The following PCDHA5 variants were observed in gnomAD, a reference collection of about 807,000 sequenced individuals.
The protein encoded by PCDHA5 is protocadherin alpha 5.
PCDHA5 carries 43 observed loss-of-function variants against 61.6 expected under a neutral mutation model. The observed-to-expected ratio is 0.70, with a 90% CI of 0.55 to 0.90. The LOEUF is 0.90. Among genes scored for constraint, PCDHA5 ranks in the 40% least tolerant of loss-of-function variants. PCDHA5 has a pLI of 0.00. For synonymous variants in PCDHA5, 627 were observed against 543.9 expected, an observed-to-expected ratio of 1.15 and a Z score of -2.13; for missense variants, 1,298 against 1,222.7, an observed-to-expected ratio of 1.06 and a Z score of -0.92.
In PCDHA5 at chr5:140,831,519, CCTTT is replaced by C. The variant is rs1771594007; in HGVS notation, c.2352+7393_2352+7396del. On this transcript the variant is annotated intron_variant, in intron 1 of 3. Coordinates refer to ENST00000529859, the MANE Select transcript of PCDHA5 (RefSeq NM_018908.3). Reference sequence around the variant, plus strand: ...CACACGAGCACCACCATGCCCCCCACCTTTTTTTTTTTTTTTTTTTTTTTTAAGA... The same window carrying C: ...CACACGAGCACCACCATGCCCCCCACTTTTTTTTTTTTTTTTTTTTTAAGA... 7.3e-5 allele frequency among the ~76,000 whole-genome samples: 9 copies of C among 122,902 alleles called. No individual in the cohort carries two copies. In the South Asian group the frequency reaches 1.4e-3, roughly 19 times the overall value. The allele number at this position is 122,902 out of a possible 152,430, so 80.6% of individuals were successfully genotyped here.
At chr5:140,831,202 A>C (rs2150192428) in intron 1 of PCDHA5, 1 of 152,360 alleles carries the variant, frequency 6.6e-6, no homozygotes, top group East Asian at 1.9e-4. Context: ...CTTGTGATCA[A>C]GTAAATTTAT....
intron 1 of PCDHA5, among the ~76,000 whole-genome samples, chr5:140,935,915 CAG>C (rs2090644404): frequency 7.6e-6 from 1 of 131,048 alleles, no homozygotes; most frequent in Non-Finnish European, 1.6e-5. Flanking sequence ...TTTTTTGAGA[CAG>C]ATTCTCATTC....
chr5:140,967,147 C>A (rs782815903), intron 1 of PCDHA5: 7 of 1,611,068 alleles, frequency 4.3e-6, no homozygotes, highest in South Asian at 2.2e-5. Flanking sequence ...TGGCGCACAA[C>A]CCCGTGGCGG....
chr5:140,984,478 A>G (rs1374350616), intron 3 of PCDHA5, among the ~76,000 whole-genome samples: 1 of 152,078 alleles, frequency 6.6e-6, no homozygotes, highest in Non-Finnish European at 1.5e-5. Flanking sequence ...TGTATAACCC[A>G]TTTTATCCAG....
intron 1 of PCDHA5, chr5:140,856,447 CG>C (rs782392908): frequency 2.5e-6 from 4 of 1,598,330 alleles, no homozygotes. Flanking sequence ...CCAGGTTCTC[CG>C]TAACAGAACA....
At chr5:140,902,669 T>C (rs767769713) in intron 1 of PCDHA5, among the ~76,000 whole-genome samples, 1 of 152,166 alleles carries the variant, frequency 6.6e-6, no homozygotes, top group Non-Finnish European at 1.5e-5. Flanking sequence ...ACCCAAGCAG[T>C]GTACACCGTA....
chr5:140,836,101 C>G lies in PCDHA5; in HGVS notation c.2352+11974C>G, dbSNP rs1554135618. On this transcript the variant is annotated intron_variant, in intron 1 of 3. Transcript: ENST00000529859. ...CTGCTGGCGCCTCGGGTGGGTGGCA[C>G]TGGTGGCGCAGTGAGAGAGCTTGTG... 8 of 1,613,594 alleles carry G rather than the reference C, an allele frequency of 5.0e-6. No individual in the cohort carries two copies. In the Admixed American group the frequency reaches 1.3e-4, roughly 27 times the overall value.
intron 1 of PCDHA5, chr5:140,929,005 A>G: frequency 6.2e-7 from 1 of 1,614,062 alleles, no homozygotes; most frequent in Non-Finnish European, 8.5e-7. Context: ...CTTCGTGTGT[A>G]CCAAGTTGCA....
At chr5:140,938,190 C>T (rs2091964057) in intron 1 of PCDHA5, among the ~76,000 whole-genome samples, 1 of 152,212 alleles carries the variant, frequency 6.6e-6, no homozygotes. Flanking sequence ...AAGCAATCCT[C>T]CCACGCCAGC....
chr5:140,826,566 G>T (rs1423403318), intron 1 of PCDHA5, among the ~76,000 whole-genome samples: 4 of 152,130 alleles, frequency 2.6e-5, no homozygotes, highest in African/African-American at 9.7e-5. Flanking sequence ...TGAAGGAGGG[G>T]TTTAATCACT....
chr5:140,849,800 G>A, intron 1 of PCDHA5: 1 of 1,598,514 alleles, frequency 6.3e-7, no homozygotes, highest in African/African-American at 1.3e-5. Context: ...CGCCTTCACT[G>A]TGGGCCACGG....
intron 1 of PCDHA5, chr5:140,871,015 G>A (rs1554164977): frequency 1.9e-6 from 3 of 1,613,126 alleles, no homozygotes; most frequent in East Asian, 2.2e-5. Flanking sequence ...TGCCCTGGAC[G>A]AGGCAGACTC....
intron 3 of PCDHA5, among the ~76,000 whole-genome samples, chr5:141,004,166 A>C (rs2098156060): frequency 6.6e-6 from 1 of 152,278 alleles, no homozygotes; most frequent in Non-Finnish European, 1.5e-5. Context: ...AGGCAAAGCC[A>C]GCCAAGTGTC....
chr5:140,972,294 C>T (rs944183626), intron 1 of PCDHA5, among the ~76,000 whole-genome samples: 14 of 151,458 alleles, frequency 9.2e-5, no homozygotes, highest in South Asian at 2.1e-4. Context: ...TGTGCGCCAC[C>T]GTGTCTGACT....
intron 1 of PCDHA5, among the ~76,000 whole-genome samples, chr5:140,845,188 T>C (rs1416130402): frequency 1.3e-5 from 2 of 149,344 alleles, no homozygotes; most frequent in African/African-American, 4.9e-5. Flanking sequence ...CTTTAAAAAA[T>C]ATGATTGTTT....
chr5:140,986,826 A>G (rs902801115), intron 3 of PCDHA5, among the ~76,000 whole-genome samples: 1 of 152,178 alleles, frequency 6.6e-6, no homozygotes, highest in Non-Finnish European at 1.5e-5. Flanking sequence ...GGTTTAGACA[A>G]TGGTTCTCAA....
At position 140,884,506 on chromosome 5, in the gene PCDHA5, G is replaced by C. The variant is rs10076265; in HGVS notation, c.2352+60379G>C. 4,595 of 1,614,168 alleles carry C rather than the reference G, an allele frequency of 2.8e-3. 101 individuals are homozygous for C. In the African/African-American group the frequency reaches 0.053, roughly 19 times the overall value. On this transcript the variant is annotated intron_variant, in intron 1 of 3. Coordinates refer to ENST00000529859, the MANE Select transcript of PCDHA5 (RefSeq NM_018908.3). Reference sequence around the variant, plus strand: ...CTCTAGTGTGCTCCAGCGCGGCAGGGAGTTGGTCGTACTCGCAGCAGAGGC... The same window carrying C: ...CTCTAGTGTGCTCCAGCGCGGCAGGCAGTTGGTCGTACTCGCAGCAGAGGC...
At chr5:140,849,983 G>A (rs1554143561) in intron 1 of PCDHA5, 6 of 1,597,534 alleles carry the variant, frequency 3.8e-6, no homozygotes, top group Admixed American at 1.7e-5. Context: ...CGCTGGTGGA[G>A]CGGCGGTTGG....
intron 1 of PCDHA5, among the ~76,000 whole-genome samples, chr5:140,959,594 A>G (rs1420498368): frequency 6.6e-6 from 1 of 152,220 alleles, no homozygotes; most frequent in African/African-American, 2.4e-5. Flanking sequence ...TCAGCCAAGT[A>G]TAACATGCTT....
Sources: gnomAD v4.1 joint callset for allele counts (sites outside exome capture counted in the v4.1 genomes callset) on GRCh38, gnomAD v4.1.1 for gene constraint, MANE v1.5 for transcripts, NCBI Gene and HGNC (gene_info 2026-07-23, HGNC 2026-07-21) for gene names.